Variants in CREB5 observed in about 807,000 individuals in gnomAD.
The protein encoded by CREB5 is cAMP responsive element binding protein 5, also known as cyclic AMP-responsive element-binding protein 5.
In CREB5, 19 loss-of-function variants were observed where a neutral mutation model predicts 57.1. The ratio of observed to expected loss-of-function variants is 0.33; its 90% confidence interval spans 0.23 to 0.49. CREB5 has a LOEUF of 0.49. Among genes scored for constraint, CREB5 ranks in the 20% least tolerant of loss-of-function variants. The pLI, the probability that CREB5 is intolerant of heterozygous loss-of-function variation, is 0.99. For synonymous variants in CREB5, 238 were observed against 238.3 expected, an observed-to-expected ratio of 1.00 and a Z score of 0.01; for missense variants, 579 against 671.6, an observed-to-expected ratio of 0.86 and a Z score of 1.52.
intron 1 of CREB5, among the ~76,000 whole-genome samples, chr7:28,337,383 G>C (rs1785844116): frequency 6.6e-6 from 1 of 151,896 alleles, no homozygotes; most frequent in Non-Finnish European, 1.5e-5. Flanking sequence ...CTCCAGTATT[G>C]GATGCATATA....
chr7:28,363,347 G>C (rs1786527294), intron 1 of CREB5, among the ~76,000 whole-genome samples: 2 of 152,034 alleles, frequency 1.3e-5, no homozygotes, highest in African/African-American at 4.8e-5. Context: ...AATTGGCTAG[G>C]ATGACCTAAT....
chr7:28,727,652 A>G (rs900837073), intron 7 of CREB5, among the ~76,000 whole-genome samples: 13 of 152,212 alleles, frequency 8.5e-5, no homozygotes, highest in African/African-American at 3.1e-4. Context: ...TAAAGAAACC[A>G]GTAACGATTT....
At chr7:28,389,383 C>T (rs903247801) in intron 1 of CREB5, among the ~76,000 whole-genome samples, 12 of 152,140 alleles carry the variant, frequency 7.9e-5, no homozygotes, top group African/African-American at 2.9e-4. Context: ...ACAACAACTA[C>T]GTGCACAAAC....
At chr7:28,301,991 G>A (rs12700862) in intron 1 of CREB5, among the ~76,000 whole-genome samples, 91,406 of 152,092 alleles carry the variant, frequency 0.6, 30,195 homozygotes, top group East Asian at 0.96. Context: ...TTAAATGGAA[G>A]CTACTTCAGA....
chr7:28,521,879 A>G lies in CREB5; in HGVS notation c.291+14142A>G, dbSNP rs1000508660. ...TGTTAATATGACTTCTAGTCTTTCC[A>G]ACTCACACTTTCCAAGAGAGAGATA... On this transcript the variant is annotated intron_variant, in intron 4 of 10. Transcript: ENST00000357727. Among the ~76,000 whole-genome samples the G allele has an allele frequency of 3.3e-5, 5 of 152,246 alleles. No homozygotes were observed. The East Asian group carries it at 9.6e-4, about 29-fold the overall frequency.
chr7:28,322,897 A>G (rs1785517629), intron 1 of CREB5, among the ~76,000 whole-genome samples: 1 of 151,888 alleles, frequency 6.6e-6, no homozygotes, highest in Admixed American at 6.6e-5. Context: ...CAGTTCTTCC[A>G]CCATGTCCCC....
At position 28,589,600 on chromosome 7, in the gene CREB5, G is replaced by A. The variant is rs769864640; in HGVS notation, c.464+19063G>A. The stretch of plus-strand genomic sequence containing the variant: ...AAGAAAACAGAGTTGATATTTCTTT[G>A]TGGTTCTTTTTGTTGCTGTTTACAA... On this transcript the variant is annotated intron_variant, in intron 5 of 10. Transcript: ENST00000357727. 7.9e-5 allele frequency among the ~76,000 whole-genome samples: 12 copies of A among 152,240 alleles called. No individual in the cohort carries two copies. In the South Asian group the frequency reaches 1.2e-3, roughly 16 times the overall value.
chr7:28,451,376 G>C (rs13242284), intron 1 of CREB5, among the ~76,000 whole-genome samples: 21,262 of 151,990 alleles, frequency 0.14, 1,925 homozygotes, highest in Non-Finnish European at 0.2. Flanking sequence ...GTAAGGCCCA[G>C]GTTATTCAGG....
At chr7:28,691,178 G>A (rs532089949) in intron 5 of CREB5, among the ~76,000 whole-genome samples, 1 of 152,268 alleles carries the variant, frequency 6.6e-6, no homozygotes, top group South Asian at 2.1e-4. Context: ...CCAGCACTTT[G>A]GGAGGCCAAG....
At chr7:28,672,175 GAAAAAAA>G (rs201063096) in intron 5 of CREB5, among the ~76,000 whole-genome samples, 1 of 88,138 alleles carries the variant, frequency 1.1e-5, no homozygotes, top group Non-Finnish European at 2.5e-5. Context: ...TTGTATTATG[GAAAAAAA>G]AAAAAAACAC....
At chr7:28,809,795 G>C (rs541372842) in intron 9 of CREB5, among the ~76,000 whole-genome samples, 1 of 152,270 alleles carries the variant, frequency 6.6e-6, no homozygotes, top group African/African-American at 2.4e-5. Flanking sequence ...GTTACGTTAG[G>C]AGCAATAAAC....
chr7:28,560,909 C>CGTGCGCGTGT (rs1562797731), intron 4 of CREB5, among the ~76,000 whole-genome samples: 903 of 32,602 alleles, frequency 0.028, 92 homozygotes, highest in South Asian at 0.042. Flanking sequence ...TGCGCGCGTG[C>CGTGCGCGTGT]GTGTGCGTGT....
At chr7:28,754,680 C>A (rs1039076527) in intron 7 of CREB5, among the ~76,000 whole-genome samples, 2 of 152,186 alleles carry the variant, frequency 1.3e-5, no homozygotes, top group African/African-American at 4.8e-5. Context: ...TAGCTCCCAG[C>A]CAACACGATC....
At chr7:28,541,931 T>C (rs1048562076) in intron 4 of CREB5, among the ~76,000 whole-genome samples, 33 of 152,350 alleles carry the variant, frequency 2.2e-4, no homozygotes, top group African/African-American at 7.9e-4. Context: ...CTCTCTTGTT[T>C]CTATGGAGAA....
intron 5 of CREB5, among the ~76,000 whole-genome samples, chr7:28,603,833 T>C (rs1405747077): frequency 1.3e-5 from 2 of 152,170 alleles, no homozygotes; most frequent in Non-Finnish European, 2.9e-5. Context: ...TAGGAGTCTT[T>C]AGGTAACATA....
intron 5 of CREB5, among the ~76,000 whole-genome samples, chr7:28,680,174 T>G (rs1008600641): frequency 6.6e-6 from 1 of 152,122 alleles, no homozygotes; most frequent in Non-Finnish European, 1.5e-5. Flanking sequence ...GCACCTCACT[T>G]GCTTCAACCT....
At chr7:28,612,555 T>G (rs1797434495) in intron 5 of CREB5, among the ~76,000 whole-genome samples, 1 of 149,028 alleles carries the variant, frequency 6.7e-6, no homozygotes, top group South Asian at 2.2e-4. Flanking sequence ...TGTGTGTGTG[T>G]GTGTGTGTGT....
At chr7:28,641,686 G>A (rs543651486) in intron 5 of CREB5, among the ~76,000 whole-genome samples, 4 of 152,272 alleles carry the variant, frequency 2.6e-5, no homozygotes, top group South Asian at 4.1e-4. Context: ...GAAAGGAAAT[G>A]GTGAGTTAGA....
chr7:28,695,491 G>A (rs1467990670), intron 5 of CREB5, among the ~76,000 whole-genome samples: 5 of 152,208 alleles, frequency 3.3e-5, no homozygotes, highest in Non-Finnish European at 1.5e-5. Flanking sequence ...AAATCATTCA[G>A]GCAGCTGTGC....
Sources: gnomAD v4.1 joint callset for allele counts (sites outside exome capture counted in the v4.1 genomes callset) on GRCh38, gnomAD v4.1.1 for gene constraint, MANE v1.5 for transcripts, NCBI Gene and HGNC (gene_info 2026-07-23, HGNC 2026-07-21) for gene names.